The following ARHGEF10L variants were observed in gnomAD, a reference collection of about 807,000 sequenced individuals.
ARHGEF10L encodes Rho guanine nucleotide exchange factor 10 like, also known as rho guanine nucleotide exchange factor 10-like protein.
ARHGEF10L carries 69 observed loss-of-function variants against 141.2 expected under a neutral mutation model. The ratio of observed to expected loss-of-function variants is 0.49; its 90% confidence interval spans 0.40 to 0.60. ARHGEF10L has a LOEUF of 0.60. Among genes scored for constraint, ARHGEF10L ranks in the 20% least tolerant of loss-of-function variants. ARHGEF10L has a pLI of 0.00. For synonymous variants in ARHGEF10L, 711 were observed against 718.5 expected (o/e 0.99, Z 0.17); for missense variants, 1,482 against 1,734.3 (o/e 0.85, Z 2.58).
intron 26 of ARHGEF10L, among the ~76,000 whole-genome samples, chr1:17,682,354 C>T (rs1459884427): frequency 2.2e-4 from 33 of 152,174 alleles, no homozygotes; most frequent in Admixed American, 2.2e-3. Context: ...TTCCCAATAA[C>T]ATCAGTGTAT....
At chr1:17,687,381 A>G (rs1279356117) in intron 26 of ARHGEF10L, among the ~76,000 whole-genome samples, 192 bp from the exon 27 acceptor site, 1 of 152,248 alleles carries the variant, frequency 6.6e-6, no homozygotes, top group Non-Finnish European at 1.5e-5. Context: ...AACTTTGGCC[A>G]ACACAGCACA....
In ARHGEF10L at chr1:17,573,218, C is replaced by T. The variant is rs968756711; in HGVS notation, c.-43-7335C>T. Among the ~76,000 whole-genome samples, 3 of 152,216 alleles carry T rather than the reference C, an allele frequency of 2.0e-5. No individual in the cohort carries two copies. Among genetic ancestry groups the T allele is most frequent in the Admixed American group, 2.0e-4 (3 of 15,292 alleles). ...TGAGGAAACCCACCTCTCAGGCTGC[C>T]TGCAGCCTAAACACACTCTCATGCT... On this transcript the variant is annotated intron_variant, in intron 1 of 28. Transcript: ENST00000361221. This position sits in a 1 kb window ranked among gnomAD's most constrained non-coding sequence, Gnocchi z 4.8.
chr1:17,581,782 A>G (rs1313587921), intron 2 of ARHGEF10L, among the ~76,000 whole-genome samples: 1 of 151,326 alleles, frequency 6.6e-6, no homozygotes, highest in East Asian at 1.9e-4. Context: ...AGTGCTTATC[A>G]TCGTGGGTGT....
intron 22 of ARHGEF10L, among the ~76,000 whole-genome samples, chr1:17,650,088 T>G (rs2061828238): frequency 6.6e-6 from 1 of 152,076 alleles, no homozygotes; most frequent in Non-Finnish European, 1.5e-5. Context: ...TCCTTCTGGC[T>G]GGTGTGTGAG....
chr1:17,646,517 G>A (rs1419269746), intron 21 of ARHGEF10L, among the ~76,000 whole-genome samples: 4 of 152,152 alleles, frequency 2.6e-5, no homozygotes. Flanking sequence ...GGGAGGTTTC[G>A]GCCTTCATAG....
chr1:17,693,823 TA>T (rs2065285454), intron 27 of ARHGEF10L, among the ~76,000 whole-genome samples: 1 of 152,196 alleles, frequency 6.6e-6, no homozygotes, highest in Non-Finnish European at 1.5e-5. Context: ...GAATGCAGCC[TA>T]AGCCTCTCCC....
intron 26 of ARHGEF10L, among the ~76,000 whole-genome samples, chr1:17,674,044 G>C (rs556121840): frequency 6.6e-6 from 1 of 152,158 alleles, no homozygotes; most frequent in Non-Finnish European, 1.5e-5. Context: ...GCGTATGTCC[G>C]CACCATCCTC....
Position 17,644,294 on chromosome 1 carries a change from C to T in ARHGEF10L, c.2272+3992C>T, listed in dbSNP as rs1405755773. On this transcript the variant is annotated intron_variant, in intron 21 of 28. Coordinates refer to ENST00000361221, the MANE Select transcript of ARHGEF10L (RefSeq NM_018125.4). The surrounding 1 kb of genome is among the most constrained non-coding windows in gnomAD (Gnocchi z 4.5). ...CCGGGATGACTCCAGCTGTTGGGTCCTGAGCACAGCCCTGGCAGAGTGTGA... is the reference window on the plus strand; with the variant it reads ...CCGGGATGACTCCAGCTGTTGGGTCTTGAGCACAGCCCTGGCAGAGTGTGA... Among the ~76,000 whole-genome samples, 1 of 152,256 alleles carries T rather than the reference C, an allele frequency of 6.6e-6. No homozygotes were observed. Among genetic ancestry groups the T allele is most frequent in the African/African-American group, 2.4e-5 (1 of 41,466 alleles).
chr1:17,613,833 G>A (rs554126918), intron 8 of ARHGEF10L, among the ~76,000 whole-genome samples: 2 of 152,304 alleles, frequency 1.3e-5, no homozygotes, highest in Admixed American at 1.3e-4. Context: ...CTTCCTCATG[G>A]TGTGATCCTG....
At chr1:17,636,641 G>A (rs1437373562) in intron 18 of ARHGEF10L, among the ~76,000 whole-genome samples, 1 of 152,094 alleles carries the variant, frequency 6.6e-6, no homozygotes, top group Admixed American at 6.5e-5. Context: ...TCTGATGTGA[G>A]CACATTGTCC....
At chr1:17,633,953 T>A (rs2060849726) in intron 16 of ARHGEF10L, among the ~76,000 whole-genome samples, 1 of 152,132 alleles carries the variant, frequency 6.6e-6, no homozygotes, top group African/African-American at 2.4e-5. Context: ...ATGAATCCAT[T>A]GAATGTAGTC....
intron 25 of ARHGEF10L, among the ~76,000 whole-genome samples, chr1:17,658,340 G>A (rs1398099056): frequency 6.6e-6 from 1 of 152,140 alleles, no homozygotes; most frequent in African/African-American, 2.4e-5. Context: ...CATGGGGTTT[G>A]GGGTCCACCC....
At chr1:17,693,471 A>T (rs566609434) in intron 27 of ARHGEF10L, among the ~76,000 whole-genome samples, 8 of 152,212 alleles carry the variant, frequency 5.3e-5, no homozygotes, top group African/African-American at 1.9e-4. Flanking sequence ...AGAGAGCCAC[A>T]CCATTTCTCT....
chr1:17,584,700 G>A (rs1465333808), intron 2 of ARHGEF10L, among the ~76,000 whole-genome samples: 1 of 152,208 alleles, frequency 6.6e-6, no homozygotes, highest in Non-Finnish European at 1.5e-5. Context: ...GAAGATACTC[G>A]AAGGAAGAAC....
the ARHGEF10L span, among the ~76,000 whole-genome samples, chr1:17,514,586 G>A: frequency 6.6e-6 from 1 of 152,124 alleles, no homozygotes; most frequent in Non-Finnish European, 1.5e-5. Context: ...TTTGGGATTG[G>A]GCAAGCTCCT....
the ARHGEF10L span, among the ~76,000 whole-genome samples, chr1:17,526,467 A>T: frequency 0.016 from 2,498 of 152,284 alleles, 69 homozygotes; most frequent in African/African-American, 0.057. Context: ...GTGAACTTGG[A>T]TGAGTCACTT....
the ARHGEF10L span, among the ~76,000 whole-genome samples, chr1:17,524,818 A>G: frequency 9.9e-5 from 15 of 152,206 alleles, no homozygotes; most frequent in African/African-American, 2.7e-4. Flanking sequence ...TCAGGCGAGA[A>G]GCAGTGAACA....
chr1:17,588,525 A>ACC, intron 4 of ARHGEF10L, 46 bp downstream of exon 4: 1 of 1,612,306 alleles, frequency 6.2e-7, no homozygotes, highest in Non-Finnish European at 8.5e-7. Context: ...AAACAGGGAG[A>ACC]CACCGGGCAG....
chr1:17,627,613 A>G lies in ARHGEF10L; in HGVS notation c.1584+110A>G. ...ACTAGGTGGCAGTGTTCTCTGAGGG[A>G]GGGGAGGCCTTGCTCTTCCAAGGAT... On this transcript the variant is annotated intron_variant, in intron 15 of 28. Transcript: ENST00000361221. The surrounding 1 kb of genome is among the most constrained non-coding windows in gnomAD (Gnocchi z 4.0). 1 of 1,349,474 alleles carries G rather than the reference A, an allele frequency of 7.4e-7. No individual in the cohort carries two copies. The highest frequency in any genetic ancestry group is 1.0e-6 in the Non-Finnish European group (1 of 996,186). The allele number at this position is 1,349,474 out of a possible 1,614,324, so 83.6% of individuals were successfully genotyped here. A position where few individuals can be genotyped will look rare whatever the true frequency, so the allele number is the denominator to read the frequency against.
Sources: allele counts gnomAD v4.1 joint callset (sites outside exome capture counted in the v4.1 genomes callset), GRCh38; gene constraint gnomAD v4.1.1; non-coding constraint Gnocchi (gnomAD v3.1); transcripts MANE v1.5; gene names NCBI Gene and HGNC (gene_info 2026-07-23, HGNC 2026-07-21).